SLC71A2: variants seen among roughly 807,000 people sequenced by gnomAD.
The protein encoded by SLC71A2 is solute carrier family 71 member 2, also known as hippocampus abundant transcript-like 1.
the SLC71A2 span, among the ~76,000 whole-genome samples, chr9:94,441,987 G>T: frequency 6.6e-6 from 1 of 152,174 alleles, no homozygotes; most frequent in Non-Finnish European, 1.5e-5. Context: ...CATAGCATGT[G>T]GATGTGCATG....
chr9:94,400,591 A>G, the SLC71A2 span, among the ~76,000 whole-genome samples: 2 of 147,230 alleles, frequency 1.4e-5, no homozygotes, highest in Non-Finnish European at 3.0e-5. Flanking sequence ...AGACTCCACT[A>G]TTTCCCAGAG....
the SLC71A2 span, among the ~76,000 whole-genome samples, chr9:94,457,070 G>A: frequency 6.6e-6 from 1 of 151,384 alleles, no homozygotes; most frequent in African/African-American, 2.4e-5. Context: ...GGGCTCAAGT[G>A]ATCTCCCAGT....
At chr9:94,394,486 C>A in the SLC71A2 span, among the ~76,000 whole-genome samples, 1 of 92,268 alleles carries the variant, frequency 1.1e-5, no homozygotes, top group East Asian at 3.3e-4. Context: ...CTCGCTCTGT[C>A]ACCCAGGTTA....
the SLC71A2 span, among the ~76,000 whole-genome samples, chr9:94,401,081 T>G: frequency 6.6e-6 from 1 of 151,988 alleles, no homozygotes; most frequent in South Asian, 2.1e-4. Context: ...GAACATCTTT[T>G]CTTTTCCTTT....
chr9:94,428,573 C>A, the SLC71A2 span, among the ~76,000 whole-genome samples: 1 of 148,272 alleles, frequency 6.7e-6, no homozygotes, highest in Non-Finnish European at 1.5e-5. Flanking sequence ...CCCTGTATCC[C>A]TTCCCTACAT....
chr9:94,458,752 A>C, the SLC71A2 span, among the ~76,000 whole-genome samples: 2 of 152,222 alleles, frequency 1.3e-5, no homozygotes, highest in African/African-American at 2.4e-5. Flanking sequence ...AAATGACCTA[A>C]AAATCCAGCT....
At chr9:94,441,448 A>G in the SLC71A2 span, among the ~76,000 whole-genome samples, 1 of 152,206 alleles carries the variant, frequency 6.6e-6, no homozygotes, top group Non-Finnish European at 1.5e-5. Flanking sequence ...CTCACTTACT[A>G]TTAACAACCA....
the SLC71A2 span, among the ~76,000 whole-genome samples, chr9:94,378,926 G>A: frequency 1.3e-5 from 2 of 150,340 alleles, no homozygotes; most frequent in Admixed American, 6.6e-5. Context: ...CTAGAACAGC[G>A]TAGGTTTTCT....
At chr9:94,423,290 C>G in the SLC71A2 span, among the ~76,000 whole-genome samples, 3 of 146,548 alleles carry the variant, frequency 2.0e-5, no homozygotes, top group Admixed American at 6.8e-5. Flanking sequence ...TCAGGGTAGG[C>G]AGGAAAGTAT....
chr9:94,411,851 G>A, the SLC71A2 span, among the ~76,000 whole-genome samples: 11 of 152,082 alleles, frequency 7.2e-5, no homozygotes, highest in South Asian at 4.1e-4. Context: ...TCAGCCTCCC[G>A]AAGTGCTGTG....
chr9:94,417,112 C>G, the SLC71A2 span, among the ~76,000 whole-genome samples: 2 of 152,078 alleles, frequency 1.3e-5, no homozygotes, highest in South Asian at 4.2e-4. Flanking sequence ...TAAATATATT[C>G]TTTGAACAAA....
the SLC71A2 span, among the ~76,000 whole-genome samples, chr9:94,431,105 G>T: frequency 6.6e-6 from 1 of 152,170 alleles, no homozygotes; most frequent in Admixed American, 6.5e-5. Flanking sequence ...GAGATCAGGA[G>T]ATCGAGACCA....
At chr9:94,392,372 G>A in the SLC71A2 span, among the ~76,000 whole-genome samples, 1 of 151,530 alleles carries the variant, frequency 6.6e-6, no homozygotes, top group Non-Finnish European at 1.5e-5. Context: ...GCTCCACCCT[G>A]ACTTCTCATG....
chr9:94,444,827 G>C, the SLC71A2 span: 1 of 691,190 alleles, frequency 1.4e-6, no homozygotes, highest in Non-Finnish European at 2.6e-6. Context: ...CATGGCTGCA[G>C]GTATGCACCT....
chr9:94,450,493 CTTT>C, the SLC71A2 span, among the ~76,000 whole-genome samples: 3 of 102,014 alleles, frequency 2.9e-5, no homozygotes, highest in African/African-American at 1.3e-4. Context: ...AATAATGTAA[CTTT>C]TTTTTTTTTT....
chr9:94,419,298 C>CT, the SLC71A2 span, among the ~76,000 whole-genome samples: 46,266 of 132,554 alleles, frequency 0.35, 8,676 homozygotes, highest in Admixed American at 0.46. Context: ...ACTTTTTTTT[C>CT]TTTTTTTTTT....
chr9:94,454,306 ATC>A, the SLC71A2 span, among the ~76,000 whole-genome samples: 1 of 152,112 alleles, frequency 6.6e-6, no homozygotes, highest in Admixed American at 6.6e-5. Context: ...AATTGAATGT[ATC>A]TCTCTCTTCC....
chr9:94,412,425 C>G, the SLC71A2 span, among the ~76,000 whole-genome samples: 3 of 152,242 alleles, frequency 2.0e-5, no homozygotes, highest in East Asian at 5.8e-4. Flanking sequence ...AGAAATTTAT[C>G]CTAGAATGCT....
At chr9:94,451,412 TATAA>T in the SLC71A2 span, 1 of 925,828 alleles carries the variant, frequency 1.1e-6, no homozygotes, top group Non-Finnish European at 1.6e-6. Context: ...CTTATTATTT[TATAA>T]TATCTATATT....
Sources: gnomAD v4.1 joint callset for allele counts (sites outside exome capture counted in the v4.1 genomes callset) on GRCh38, gnomAD v4.1.1 for gene constraint, MANE v1.5 for transcripts, NCBI Gene and HGNC (gene_info 2026-07-23, HGNC 2026-07-21) for gene names.